Variants in DCK observed in about 807,000 individuals in gnomAD.
DCK encodes deoxyadenosine kinase.
DCK carries 23 observed loss-of-function variants against 38.3 expected under a neutral mutation model. That is an observed-to-expected ratio of 0.60 (90% CI 0.43 to 0.85). DCK has a LOEUF of 0.85. DCK is among the 40% of genes least tolerant of loss of function. DCK has a pLI of 0.00. For synonymous variants in DCK, 108 were observed against 100.6 expected (o/e 1.07, Z -0.44); for missense variants, 259 against 304.4 (o/e 0.85, Z 1.11).
intron 2 of DCK, among the ~76,000 whole-genome samples, chr4:71,004,882 T>C (rs1286639132): frequency 6.6e-6 from 1 of 152,182 alleles, no homozygotes; most frequent in Non-Finnish European, 1.5e-5. Flanking sequence ...CAGTGGATCT[T>C]AGCTTGCTGG....
chr4:71,002,890 G>A (rs1024820729), intron 2 of DCK, among the ~76,000 whole-genome samples: 26 of 152,110 alleles, frequency 1.7e-4, no homozygotes, highest in African/African-American at 6.0e-4. Context: ...ACCGCACACT[G>A]ATGGGTCTTA....
intron 6 of DCK, among the ~76,000 whole-genome samples, chr4:71,027,946 G>A (rs953693532): frequency 5.2e-4 from 79 of 152,060 alleles, no homozygotes; most frequent in African/African-American, 1.8e-3. Flanking sequence ...TATTAATAAT[G>A]CTAGCAGTTG....
chr4:71,000,285 T>C (rs1739771565), intron 2 of DCK, among the ~76,000 whole-genome samples: 1 of 152,228 alleles, frequency 6.6e-6, no homozygotes, highest in South Asian at 2.1e-4. Context: ...GGGAATCCTT[T>C]CCCCATTGCT....
intron 2 of DCK, among the ~76,000 whole-genome samples, chr4:71,020,835 A>G (rs890653284): frequency 1.3e-5 from 2 of 152,084 alleles, no homozygotes; most frequent in Non-Finnish European, 2.9e-5. Flanking sequence ...AGTGGTCTGT[A>G]GTAGTTTCCT....
intron 5 of DCK, among the ~76,000 whole-genome samples, chr4:71,026,169 T>TTCACTTTACGTGATCACTTTAAGTGA (rs1740543264): frequency 6.6e-6 from 1 of 152,094 alleles, no homozygotes; most frequent in Non-Finnish European, 1.5e-5. Flanking sequence ...TATGTGAAAT[T>TTCACTTTACGTGATCACTTTAAGTGA]TCACTTTAAG....
intron 4 of DCK, among the ~76,000 whole-genome samples, chr4:71,024,400 C>T (rs1029895427): frequency 4.6e-5 from 7 of 152,024 alleles, no homozygotes; most frequent in African/African-American, 1.7e-4. Flanking sequence ...TAAAACTAAC[C>T]TAAATATTAA....
At chr4:71,026,812 T>A in intron 6 of DCK, 57 bp downstream of exon 6, 1 of 830,990 alleles carries the variant, frequency 1.2e-6, no homozygotes, top group South Asian at 1.6e-5. Context: ...GTGTACTGAG[T>A]GGTGAGAAAA....
chr4:71,001,859 C>A (rs1578419114), intron 2 of DCK, among the ~76,000 whole-genome samples: 1 of 152,082 alleles, frequency 6.6e-6, no homozygotes, highest in Non-Finnish European at 1.5e-5. Context: ...ATTCTTCCCG[C>A]TTTTCTTCTT....
At chr4:71,029,269 A>G (rs1234772239) in intron 6 of DCK, 83 bp from the exon 7 acceptor site, 2 of 884,628 alleles carry the variant, frequency 2.3e-6, no homozygotes, top group Non-Finnish European at 3.6e-6. Flanking sequence ...TTCAACTATT[A>G]TATACTTTTA....
Position 70,993,903 on chromosome 4 carries a change from A to T in DCK, c.68A>T (p.Lys23Ile), listed in dbSNP as rs1739599784. The change falls in exon 1 of 7, where the codon AAA becomes ATA. Residue 23 changes from lysine (K) to isoleucine (I), a missense_variant. Coordinates refer to ENST00000286648, the MANE Select transcript of DCK (RefSeq NM_000788.3). ...AGCTCTGAGGGGACCCGCATCAAGA[A>T]AATCTCCATCGAAGGGAACATCGGT... The part of the protein sequence containing the change: ...SASSEGTRIK[K>I]ISIEGNIAAG... 1 of 1,613,912 alleles carries T rather than the reference A, an allele frequency of 6.2e-7. No homozygotes were observed. The highest frequency in any genetic ancestry group is 1.7e-5 in the Admixed American group (1 of 60,030).
intron 2 of DCK, among the ~76,000 whole-genome samples, chr4:71,012,240 G>GGCTT (rs1740119209): frequency 6.6e-6 from 1 of 152,208 alleles, no homozygotes; most frequent in Non-Finnish European, 1.5e-5. Flanking sequence ...CCATTGCTGA[G>GGCTT]GCTTGGGTAG....
chr4:71,018,880 C>T (rs529943035), intron 2 of DCK, among the ~76,000 whole-genome samples: 18 of 152,106 alleles, frequency 1.2e-4, no homozygotes, highest in African/African-American at 4.1e-4. Flanking sequence ...CCATGTTGCC[C>T]AGGCTGGTCT....
chr4:71,009,034 A>G (rs1352931877), intron 2 of DCK, among the ~76,000 whole-genome samples: 1 of 152,222 alleles, frequency 6.6e-6, no homozygotes, highest in Non-Finnish European at 1.5e-5. Context: ...GCTTGAAGAA[A>G]TAATTCAGTG....
chr4:70,996,971 A>C (rs571932806), intron 1 of DCK, among the ~76,000 whole-genome samples: 3 of 152,172 alleles, frequency 2.0e-5, no homozygotes, highest in African/African-American at 7.2e-5. Context: ...CTTATTTTCT[A>C]GCTCCCACTT....
intron 2 of DCK, among the ~76,000 whole-genome samples, chr4:71,014,523 A>G (rs1740201485): frequency 6.6e-6 from 1 of 152,252 alleles, no homozygotes; most frequent in Non-Finnish European, 1.5e-5. Context: ...TTGGAAGTAA[A>G]GCACTCTTCA....
Position 70,993,845 on chromosome 4 carries a change from C to G in DCK, c.10C>G (p.Pro4Ala), listed in dbSNP as rs1451033009. 6.2e-7 allele frequency: 1 copy of G among 1,613,480 alleles called. No homozygotes were observed. The highest frequency in any genetic ancestry group is 1.1e-5 in the South Asian group (1 of 90,978). The change falls in exon 1 of 7, where the codon CCG becomes GCG. Residue 4 changes from proline (P) to alanine (A), a missense_variant. Physicochemically the swap from Pro to Ala is conservative, Grantham distance 27. Around this residue, in one of 3 missense-constraint regions of DCK, gnomAD observed 159 missense variants for 159.0 expected, o/e 1.00. Coordinates refer to ENST00000286648, the MANE Select transcript of DCK (RefSeq NM_000788.3). ...GCCACAAGACTAAGGAATGGCCACC[C>G]CGCCCAAGAGAAGCTGCCCGTCTTT... MAT[P>A]PKRSCPSFSA...
At chr4:70,995,742 A>G (rs529223161) in intron 1 of DCK, among the ~76,000 whole-genome samples, 44 of 152,252 alleles carry the variant, frequency 2.9e-4, no homozygotes, top group African/African-American at 9.2e-4. Context: ...TAATTTCCTA[A>G]TATATCATCC....
In DCK at chr4:71,022,522, A is replaced by G. The variant is rs377425141; in HGVS notation, c.363A>G (p.Lys121=). The G allele has an allele frequency of 1.9e-6, 3 of 1,596,412 alleles. No homozygotes were observed. Among genetic ancestry groups the G allele is most frequent in the Non-Finnish European group, 2.6e-6 (3 of 1,173,996 alleles). ...SLNGKLKDAE[K]PVLFFERSVY... is the part of the protein sequence containing the mutation. ...ATGGCAAGCTCAAAGATGCAGAGAA[A>G]CCTGTATTATTTTTTGAACGATCTG... The change falls in exon 3 of 7, where the codon AAA becomes AAG. Residue 121 remains lysine, a synonymous_variant. Coordinates refer to ENST00000286648, the MANE Select transcript of DCK (RefSeq NM_000788.3).
At chr4:71,013,020 A>G (rs551547315) in intron 2 of DCK, among the ~76,000 whole-genome samples, 7 of 152,174 alleles carry the variant, frequency 4.6e-5, no homozygotes, top group Non-Finnish European at 7.4e-5. Flanking sequence ...CCTTGAAAAA[A>G]GACGAATGGC....
Sources: gnomAD v4.1 joint callset for allele counts (sites outside exome capture counted in the v4.1 genomes callset) on GRCh38, gnomAD v4.1.1 for gene constraint, gnomAD v4.1.1 regional missense constraint, MANE v1.5 for transcripts, NCBI Gene and HGNC (gene_info 2026-07-23, HGNC 2026-07-21) for gene names.